PCNX2: variants seen among roughly 807,000 people sequenced by gnomAD.
The protein encoded by PCNX2 is pecanex 2, also known as pecanex-like protein 2.
PCNX2 carries 168 observed loss-of-function variants against 223.8 expected under a neutral mutation model. The observed-to-expected ratio is 0.75, with a 90% CI of 0.66 to 0.85. The LOEUF is 0.85. Among genes scored for constraint, PCNX2 ranks in the 40% least tolerant of loss-of-function variants. The probability of loss-of-function intolerance (pLI) is 0.00; values close to 1 mark genes in which losing one functional copy is unlikely to be tolerated. For missense variants in PCNX2, 2,507 were observed against 2,675.5 expected (o/e 0.94, Z 1.39); for synonymous variants, 1,006 against 1,052.6 (o/e 0.96, Z 0.86).
chr1:233,169,146 G>A (rs934936431), intron 17 of PCNX2, among the ~76,000 whole-genome samples: 3 of 151,892 alleles, frequency 2.0e-5, no homozygotes, highest in Non-Finnish European at 2.9e-5. Flanking sequence ...TTTGCCACAA[G>A]TACTGTATCA....
chr1:233,047,405 T>C (rs376002730), intron 25 of PCNX2: 320 of 985,268 alleles, frequency 3.2e-4, no homozygotes, highest in Middle Eastern at 1.6e-3. Context: ...ACTCAAAGAT[T>C]GGTTAAGTTT....
At chr1:233,102,502 G>A (rs962839170) in intron 21 of PCNX2, among the ~76,000 whole-genome samples, 1 of 152,066 alleles carries the variant, frequency 6.6e-6, no homozygotes, top group Non-Finnish European at 1.5e-5. Flanking sequence ...CGCCAACAGG[G>A]TATAAGTGCT....
chr1:233,321,060 G>A, the PCNX2 span, among the ~76,000 whole-genome samples: 58 of 117,502 alleles, frequency 4.9e-4, no homozygotes, highest in African/African-American at 6.7e-4. Context: ...TCGCTCTGTC[G>A]CCAGGCTGGA....
intron 1 of PCNX2, among the ~76,000 whole-genome samples, chr1:233,268,899 C>T (rs1572180156): frequency 6.6e-6 from 1 of 152,144 alleles, no homozygotes; most frequent in East Asian, 1.9e-4. Flanking sequence ...CTCTCAGGAG[C>T]TGGTTGGGCC....
intron 25 of PCNX2, among the ~76,000 whole-genome samples, chr1:233,026,061 T>C (rs1671069635): frequency 6.6e-6 from 1 of 152,186 alleles, no homozygotes; most frequent in African/African-American, 2.4e-5. Context: ...CCTGTCCTTG[T>C]ATAGCTTATC....
chr1:233,325,258 T>G, the PCNX2 span, among the ~76,000 whole-genome samples: 4 of 150,504 alleles, frequency 2.7e-5, no homozygotes, highest in African/African-American at 9.8e-5. Flanking sequence ...TTAACAGGAG[T>G]TTGGAAGAAG....
intron 9 of PCNX2, among the ~76,000 whole-genome samples, chr1:233,230,976 A>C (rs1374469618): frequency 6.6e-6 from 1 of 152,226 alleles, no homozygotes; most frequent in Non-Finnish European, 1.5e-5. Flanking sequence ...ATAACAAATA[A>C]GATTTTTTGA....
At chr1:233,298,657 G>A (rs1558439650), upstream of PCNX2, among the ~76,000 whole-genome samples, 1 of 152,182 alleles carries the variant, frequency 6.6e-6, no homozygotes, top group East Asian at 1.9e-4. Context: ...GGGAGGCCGA[G>A]GCGGGTGGAT....
In PCNX2 at chr1:233,126,852, C is replaced by G. The variant is rs1434334446; in HGVS notation, c.3837+8161G>C. 6.6e-6 allele frequency among the ~76,000 whole-genome samples: 1 copy of G among 152,056 alleles called. No homozygotes were observed. The highest frequency in any genetic ancestry group is 1.5e-5 in the Non-Finnish European group (1 of 68,032). ...ACGTCTTTCTCTTCTTTATTATTCC[C>G]TAATCTAGTTAATGACACCCCCTTT... On this transcript the variant is annotated intron_variant, in intron 21 of 33. Coordinates refer to ENST00000258229, the MANE Select transcript of PCNX2 (RefSeq NM_014801.4). The surrounding 1 kb of genome is among the most constrained non-coding windows in gnomAD (Gnocchi z 4.8).
intron 8 of PCNX2, among the ~76,000 whole-genome samples, chr1:233,243,544 C>T (rs1044660980): frequency 6.6e-6 from 1 of 152,154 alleles, no homozygotes; most frequent in Admixed American, 6.5e-5. Context: ...TGTTGGAATA[C>T]AACAGGTATT....
intron 12 of PCNX2, among the ~76,000 whole-genome samples, chr1:233,209,575 T>C (rs1190278558): frequency 1.3e-5 from 2 of 152,228 alleles, no homozygotes; most frequent in African/African-American, 4.8e-5. Flanking sequence ...TGTGAATTTT[T>C]AAAGTCACTG....
rs199705340 is a variant in PCNX2, at chr1:233,236,927, G to C, written c.2276C>G (p.Ser759Cys). The change falls in exon 9 of 34, where the codon TCT (serine) becomes TGT (cysteine). Residue 759 changes from serine to cysteine, a missense_variant. Transcript: ENST00000258229. ...STTTSESQDP[S>C]SGDPAVSALQ... Reference sequence around the variant, plus strand: ...GGCACTGACGGCAGGGTCCCCAGAAGACGGATCTTGACTCTCAGAAGTTGT... The same window carrying C: ...GGCACTGACGGCAGGGTCCCCAGAACACGGATCTTGACTCTCAGAAGTTGT... 53 of 1,613,880 alleles carry C rather than the reference G, an allele frequency of 3.3e-5. No individual in the cohort carries two copies. The highest frequency in any genetic ancestry group is 4.4e-5 in the Non-Finnish European group (52 of 1,179,882).
chr1:233,122,119 G>A (rs1163379579), intron 21 of PCNX2, among the ~76,000 whole-genome samples: 1 of 151,862 alleles, frequency 6.6e-6, no homozygotes, highest in East Asian at 1.9e-4. Context: ...GAGGGAGAGA[G>A]AGAGAGAGAG....
intron 25 of PCNX2, among the ~76,000 whole-genome samples, chr1:233,042,099 C>G (rs1159261805): frequency 1.3e-5 from 2 of 152,150 alleles, no homozygotes; most frequent in African/African-American, 4.8e-5. Context: ...CAAAAAAATT[C>G]AAAATCCAAA....
intron 15 of PCNX2, among the ~76,000 whole-genome samples, chr1:233,190,761 G>T (rs1243744967): frequency 2.0e-5 from 3 of 152,080 alleles, no homozygotes; most frequent in African/African-American, 7.2e-5. Context: ...TTTCAAAATG[G>T]AATCTATTTA....
intron 25 of PCNX2, chr1:233,032,085 A>AG: frequency 1.1e-6 from 1 of 926,752 alleles, no homozygotes; most frequent in Non-Finnish European, 1.3e-6. Context: ...GAAATAAGAC[A>AG]GTTTTCTTTC....
At chr1:233,080,692 G>A (rs1673318836) in intron 23 of PCNX2, among the ~76,000 whole-genome samples, 1 of 152,018 alleles carries the variant, frequency 6.6e-6, no homozygotes, top group Admixed American at 6.5e-5. Flanking sequence ...ATGCATAAGA[G>A]CTTCACTCTT....
At chr1:233,088,198 C>T (rs1005723038) in intron 23 of PCNX2, among the ~76,000 whole-genome samples, 9 of 152,126 alleles carry the variant, frequency 5.9e-5, no homozygotes, top group Admixed American at 2.0e-4. Context: ...TTCCCCTTTC[C>T]ACTGCGGACA....
At chr1:233,064,515 T>C (rs960506586) in intron 23 of PCNX2, among the ~76,000 whole-genome samples, 5 of 152,212 alleles carry the variant, frequency 3.3e-5, no homozygotes, top group African/African-American at 1.2e-4. Flanking sequence ...GAAGTCTTAG[T>C]TGAAACTTTC....
Sources: gnomAD v4.1 joint callset for allele counts (sites outside exome capture counted in the v4.1 genomes callset) on GRCh38, gnomAD v4.1.1 for gene constraint, Gnocchi (gnomAD v3.1) non-coding constraint, MANE v1.5 for transcripts, NCBI Gene and HGNC (gene_info 2026-07-23, HGNC 2026-07-21) for gene names.